Variants in OGA observed in about 807,000 individuals in gnomAD.
OGA encodes protein O-GlcNAcase.
OGA carries 21 observed loss-of-function variants against 102.0 expected under a neutral mutation model. The ratio of observed to expected loss-of-function variants is 0.21; its 90% CI spans 0.15 to 0.30. OGA has a LOEUF of 0.30. OGA is among the 10% of genes least tolerant of loss of function. OGA has a pLI of 1.00. For missense variants in OGA, 765 were observed against 1,107.8 expected (o/e 0.69, Z 4.39); for synonymous variants, 408 against 378.2 (o/e 1.08, Z -0.91).
At chr10:101,786,643 T>G (rs183616637) in intron 15 of OGA, 56 bp from the exon 16 acceptor site, 13 of 1,373,056 alleles carry the variant, frequency 9.5e-6, no homozygotes, top group Middle Eastern at 2.0e-4. Context: ...AGTATAATTA[T>G]AGATATAAAA....
At chr10:101,800,178 T>G in intron 8 of OGA, 64 bp downstream of exon 8, 1 of 1,525,960 alleles carries the variant, frequency 6.6e-7, no homozygotes, top group Non-Finnish European at 9.0e-7. Context: ...CGGGAGACAG[T>G]GTTCTTTACT....
At chr10:101,808,190 G>T (rs1312154224) in intron 4 of OGA, among the ~76,000 whole-genome samples, 1 of 152,100 alleles carries the variant, frequency 6.6e-6, no homozygotes, top group Non-Finnish European at 1.5e-5. Flanking sequence ...TGGAATATCT[G>T]TATTATATTC....
At chr10:101,804,439 A>AT (rs2065439655) in intron 6 of OGA, among the ~76,000 whole-genome samples, 2 of 151,316 alleles carry the variant, frequency 1.3e-5, no homozygotes, top group Admixed American at 1.3e-4. Context: ...CGCCTGGCTA[A>AT]TTTTTTGTAT....
intron 10 of OGA, among the ~76,000 whole-genome samples, chr10:101,794,819 A>C (rs2065297031): frequency 6.6e-6 from 1 of 152,248 alleles, no homozygotes; most frequent in Non-Finnish European, 1.5e-5. Flanking sequence ...ACATAAAGGC[A>C]AATGTTTGGA....
At position 101,798,742 on chromosome 10, in the gene OGA, T is replaced by C. The variant is rs531166977; in HGVS notation, c.1809+100A>G. On this transcript the variant is annotated intron_variant, in intron 9 of 15. Coordinates refer to ENST00000361464, the MANE Select transcript of OGA (RefSeq NM_012215.5). The stretch of plus-strand genomic sequence containing the variant: ...AGAACATATTCTAAAACATGGTCAA[T>C]TTTCTGTCAGTTACAGTGTACTCAT... The C allele has an allele frequency of 5.7e-6, 8 of 1,396,666 alleles. No individual in the cohort carries two copies. In the African/African-American group the frequency reaches 1.2e-4, roughly 20 times the overall value. 86.5% of individuals were successfully genotyped at this position (1,396,666 alleles called of 1,614,324 possible). A position where few individuals can be genotyped will look rare whatever the true frequency, so the allele number is the denominator to read the frequency against.
intron 6 of OGA, 54 bp from the exon 7 acceptor site, chr10:101,804,073 A>G (rs2065434025): frequency 5.3e-6 from 8 of 1,505,034 alleles, no homozygotes; most frequent in South Asian, 5.0e-5. Flanking sequence ...GGCTAGACGC[A>G]TTGGCTCATA....
In OGA at chr10:101,810,329, C is replaced by T; in HGVS notation, c.350-15G>A. 1 of 1,593,792 alleles carries T rather than the reference C, an allele frequency of 6.3e-7. No individual in the cohort carries two copies. Among genetic ancestry groups the T allele is most frequent in the Non-Finnish European group, 8.5e-7 (1 of 1,172,400 alleles). On this transcript the variant is annotated splice_polypyrimidine_tract_variant and intron_variant, in intron 3 of 15. Transcript: ENST00000361464. ...CATAAGTTGCTCTAAAGAACAGAGT[C>T]TATGTTTTTAGAAAGCAGAACAGAA...
rs191074027 is a variant in OGA, at chr10:101,811,343, C to T, written c.350-1029G>A. ...GGCAGAGGTTGCAGTGAGCCAAGAT[C>T]GCACCACTGCACCCCAGTCTGGACG... On this transcript the variant is annotated intron_variant, in intron 3 of 15. Transcript: ENST00000361464. Among the ~76,000 whole-genome samples the T allele has an allele frequency of 2.8e-5, 4 of 143,780 alleles. No homozygotes were observed. In the East Asian group the frequency reaches 6.1e-4, roughly 22 times the overall value. The allele number at this position is 143,780 out of a possible 152,430, so 94.3% of individuals were successfully genotyped here. A position where few individuals can be genotyped will look rare whatever the true frequency, so the allele number is the denominator to read the frequency against.
intron 4 of OGA, among the ~76,000 whole-genome samples, chr10:101,809,508 G>A (rs1000681943): frequency 6.6e-6 from 1 of 152,072 alleles, no homozygotes; most frequent in Non-Finnish European, 1.5e-5. Context: ...CTAAAGTCAG[G>A]AGTTCGAGAC....
chr10:101,791,858 T>G (rs2065263327), intron 12 of OGA, among the ~76,000 whole-genome samples: 2 of 148,802 alleles, frequency 1.3e-5, no homozygotes, highest in African/African-American at 5.0e-5. Context: ...TGAGACGGAG[T>G]CTCTGTCACC....
chr10:101,786,634 GTATAAT>G, intron 15 of OGA, 47 bp from the exon 16 acceptor site: 1 of 1,419,708 alleles, frequency 7.0e-7, no homozygotes. Context: ...CACTTAATTA[GTATAAT>G]TATAGATATA....
chr10:101,795,191 T>C (rs1022834450), intron 10 of OGA, among the ~76,000 whole-genome samples: 1 of 152,208 alleles, frequency 6.6e-6, no homozygotes, highest in Non-Finnish European at 1.5e-5. Flanking sequence ...TCTCAAACTT[T>C]AAGATCAGCC....
chr10:101,788,713 C>T (rs1004695110), intron 14 of OGA, among the ~76,000 whole-genome samples: 2 of 147,254 alleles, frequency 1.4e-5, no homozygotes, highest in African/African-American at 5.0e-5. Context: ...CCACCCCAGG[C>T]GACAGAGGGA....
chr10:101,795,721 TG>T (rs2135043808), intron 10 of OGA: 1 of 161,662 alleles, frequency 6.2e-6, no homozygotes, highest in East Asian at 1.9e-4. Flanking sequence ...TTACAAGGGG[TG>T]TCCAATCTTT....
chr10:101,811,983 T>C (rs2065564497), intron 3 of OGA, among the ~76,000 whole-genome samples: 1 of 152,196 alleles, frequency 6.6e-6, no homozygotes, highest in Non-Finnish European at 1.5e-5. Context: ...CACACTTAAA[T>C]AGAGTAGTAA....
rs1208612086 is a variant in OGA at position 101,785,799 on chromosome 10, A to G, written c.*652T>C. The stretch of plus-strand genomic sequence containing the variant: ...TAGTTTATATACAAAGAAATTTACA[A>G]GTTTGTCAATTGTAGGCTTTTGCCA... On this transcript the variant is annotated 3_prime_UTR_variant, in exon 16 of 16. Transcript: ENST00000361464. The G allele has an allele frequency of 6.6e-6, 1 of 152,390 alleles. No individual in the cohort carries two copies. Among genetic ancestry groups the G allele is most frequent in the Admixed American group, 6.5e-5 (1 of 15,294 alleles). 9.4% of individuals were successfully genotyped at this position (152,390 alleles called of 1,614,324 possible).
intron 3 of OGA, among the ~76,000 whole-genome samples, chr10:101,810,613 A>T: frequency 6.6e-6 from 1 of 152,258 alleles, no homozygotes; most frequent in Non-Finnish European, 1.5e-5. Context: ...TTGGGGAAAC[A>T]GGCTAAAATC....
At chr10:101,792,143 C>T (rs1363401924) in intron 12 of OGA, among the ~76,000 whole-genome samples, 1 of 152,046 alleles carries the variant, frequency 6.6e-6, no homozygotes, top group South Asian at 2.1e-4. Flanking sequence ...CTCAGCCTCC[C>T]GAGTAGCTGG....
chr10:101,793,830 TC>T, intron 11 of OGA, 82 bp downstream of exon 11: 1 of 1,022,978 alleles, frequency 9.8e-7, no homozygotes, highest in Non-Finnish European at 1.5e-6. Flanking sequence ...GGCAGACCAA[TC>T]CTTCCAGCCA....
Sources: gnomAD v4.1 joint callset for allele counts (sites outside exome capture counted in the v4.1 genomes callset) on GRCh38, gnomAD v4.1.1 for gene constraint, MANE v1.5 for transcripts, NCBI Gene and HGNC (gene_info 2026-07-23, HGNC 2026-07-21) for gene names.